Variants in CPAMD8 observed in about 807,000 individuals in gnomAD.
CPAMD8 encodes C3 and PZP-like alpha-2-macroglobulin domain-containing protein 8.
CPAMD8 carries 146 observed loss-of-function variants against 224.7 expected under a neutral mutation model. The ratio of observed to expected loss-of-function variants is 0.65; its 90% confidence interval spans 0.57 to 0.75. The LOEUF (loss-of-function observed/expected upper bound fraction) is 0.75, where lower values mean the gene tolerates loss of function less well. Among genes scored for constraint, CPAMD8 ranks in the 30% least tolerant of loss-of-function variants. The pLI is 0.00. For synonymous variants in CPAMD8, 966 were observed against 1,044.6 expected (o/e 0.92, Z 1.45); for missense variants, 2,301 against 2,537.5 (o/e 0.91, Z 2.00).
intron 36 of CPAMD8, 147 bp downstream of exon 36, chr19:16,901,063 G>C (rs1337946954): frequency 3.4e-6 from 2 of 587,488 alleles, no homozygotes; most frequent in African/African-American, 3.9e-5. Context: ...GGGAGGGGAA[G>C]GGGGAGGGGG....
chr19:16,991,374 C>T (rs930163893), intron 12 of CPAMD8, among the ~76,000 whole-genome samples: 15 of 152,126 alleles, frequency 9.9e-5, no homozygotes, highest in African/African-American at 3.6e-4. Flanking sequence ...CCTGGACTTG[C>T]AGCTGGTGTC....
chr19:16,899,549 G>T lies in CPAMD8; in HGVS notation c.4774C>A (p.Leu1592Met). 1.3e-6 allele frequency: 2 copies of T among 1,507,296 alleles called. No individual in the cohort carries two copies. The highest frequency in any genetic ancestry group is 1.8e-6 in the Non-Finnish European group (2 of 1,082,876). The allele number at this position is 1,507,296 out of a possible 1,614,324, so 93.4% of individuals were successfully genotyped here. A position where few individuals can be genotyped will look rare whatever the true frequency, so the allele number is the denominator to read the frequency against. ...FRADIESLEQLLLDKHMGMKR... is the reference protein window; with the variant it reads ...FRADIESLEQMLLDKHMGMKR... ...ATCCCCATGTGCTTGTCAAGGAGCA[G>T]CTGCAGAGGAAGCCAGAAGTCAGGG... The change falls in exon 37 of 42, where the codon CTG (leucine) becomes ATG (methionine). Residue 1592 changes from leucine to methionine, a missense_variant and splice_region_variant. Physicochemically the swap from Leu to Met is conservative, Grantham distance 15. Around this residue, in one of 4 missense-constraint regions of CPAMD8, gnomAD observed 1,709 missense variants for 1,753.2 expected, o/e 0.97. Transcript: ENST00000443236. This position sits in a 1 kb window ranked among gnomAD's most constrained non-coding sequence, Gnocchi z 5.4.
In CPAMD8 at chr19:16,895,885, G is replaced by GAGCT. The variant is rs370766036; in HGVS notation, c.5426+290_5426+291insAGCT. 274 of 460,166 alleles carry GAGCT rather than the reference G, an allele frequency of 6.0e-4. 1 individual carries two copies. The highest frequency in any genetic ancestry group is 2.4e-3 in the South Asian group (134 of 55,902). The allele number at this position is 460,166 out of a possible 1,614,324, so 28.5% of individuals were successfully genotyped here. A position where few individuals can be genotyped will look rare whatever the true frequency, so the allele number is the denominator to read the frequency against. ...CGGATAAGGGATCCTTGACCCGTAT[G>GAGCT]CGCGCGCGCGCGCGCACGCACACAC... On this transcript the variant is annotated intron_variant, in intron 41 of 41. Coordinates refer to ENST00000443236, the MANE Select transcript of CPAMD8 (RefSeq NM_015692.5).
intron 39 of CPAMD8, 28 bp downstream of exon 39, chr19:16,897,663 G>A (rs2052075090): frequency 6.9e-6 from 9 of 1,301,522 alleles, no homozygotes; most frequent in Non-Finnish European, 8.4e-6. Context: ...GGCCGCGGTG[G>A]GGGGCGGCAG....
At chr19:16,918,891 G>A (rs918218479) in intron 27 of CPAMD8, among the ~76,000 whole-genome samples, 1 of 151,886 alleles carries the variant, frequency 6.6e-6, no homozygotes, top group African/African-American at 2.4e-5. Flanking sequence ...TTTCCCTTGA[G>A]CATGAGGTTG....
In CPAMD8 at chr19:16,895,927, A is replaced by ACACGCGCG. The variant is rs146763898; in HGVS notation, c.5426+248_5426+249insCGCGCGTG. 831 of 581,224 alleles carry ACACGCGCG rather than the reference A, an allele frequency of 1.4e-3. 3 individuals carry two copies. The highest frequency in any genetic ancestry group is 8.8e-3 in the East Asian group (255 of 29,042). 36.0% of individuals were successfully genotyped at this position (581,224 alleles called of 1,614,324 possible). ...CGCACACACACACACACACACACAC[A>ACACGCGCG]CGCGCGCGTGCGCCCGCGCACAGCT... On this transcript the variant is annotated intron_variant, in intron 41 of 41. Transcript: ENST00000443236.
intron 12 of CPAMD8, among the ~76,000 whole-genome samples, chr19:16,991,845 A>G (rs1479533212): frequency 1.5e-5 from 2 of 129,716 alleles, no homozygotes; most frequent in Non-Finnish European, 3.4e-5. Flanking sequence ...ACAGAGCAAG[A>G]CTCTGTATCA....
In CPAMD8 at chr19:16,904,361, C is replaced by G; in HGVS notation, c.4116G>C (p.Val1372=). The change falls in exon 32 of 42, where the codon GTG becomes GTC. Residue 1372 remains valine, a splice_region_variant and synonymous_variant. Coordinates refer to ENST00000443236, the MANE Select transcript of CPAMD8 (RefSeq NM_015692.5). ...LSFSDRVSQS[V]VSAEVEMTAY... ...CTGTCATTTCCACCTCGGCCGAGAC[C>G]ACTGCAATGGAAGAGGCCCACTGGG... 6.2e-7 allele frequency: 1 copy of G among 1,613,990 alleles called. No homozygotes were observed. Among genetic ancestry groups the G allele is most frequent in the Non-Finnish European group, 8.5e-7 (1 of 1,180,016 alleles).
At chr19:16,996,817 TAAAAAAAAAAA>T (rs11332531) in intron 11 of CPAMD8, among the ~76,000 whole-genome samples, 1 of 108,352 alleles carries the variant, frequency 9.2e-6, no homozygotes, top group African/African-American at 3.5e-5. Flanking sequence ...TGACTATCTC[TAAAAAAAAAAA>T]AAAAAAAAAA....
intron 20 of CPAMD8, among the ~76,000 whole-genome samples, chr19:16,948,748 G>A (rs1437808628): frequency 6.9e-6 from 1 of 144,562 alleles, no homozygotes; most frequent in Non-Finnish European, 1.5e-5. Flanking sequence ...AGAAGAAAAG[G>A]AAAGAAGGGG....
At chr19:16,905,613 C>T (rs1022416513) in intron 30 of CPAMD8, among the ~76,000 whole-genome samples, 3 of 149,998 alleles carry the variant, frequency 2.0e-5, no homozygotes, top group African/African-American at 4.9e-5. Flanking sequence ...ATTCTGAGCT[C>T]GCATGAGGTG....
chr19:16,919,221 A>G (rs1365428071), intron 27 of CPAMD8, among the ~76,000 whole-genome samples: 4 of 147,098 alleles, frequency 2.7e-5, no homozygotes, highest in Non-Finnish European at 6.1e-5. Context: ...AAAAAAAAAA[A>G]GGAATAGAAT....
Position 16,973,796 on chromosome 19 carries a change from G to A in CPAMD8, c.2070+1301C>T, listed in dbSNP as rs940626127. 5.3e-5 allele frequency among the ~76,000 whole-genome samples: 8 copies of A among 149,880 alleles called. No homozygotes were observed. In the East Asian group the frequency reaches 5.9e-4, roughly 11 times the overall value. ...TCTATCTATATCACATCATGAAAAC[G>A]TCCAGAGATGGGCACCTGATAGCAT... is the stretch of plus-strand genomic sequence containing the variant. On this transcript the variant is annotated intron_variant, in intron 17 of 41. Coordinates refer to ENST00000443236, the MANE Select transcript of CPAMD8 (RefSeq NM_015692.5).
intron 26 of CPAMD8, among the ~76,000 whole-genome samples, chr19:16,922,665 A>C (rs146079469): frequency 4.5e-4 from 67 of 150,042 alleles, no homozygotes; most frequent in African/African-American, 1.7e-3. Context: ...TCCACACTAC[A>C]TCTGAGGTCC....
chr19:16,964,251 G>C (rs1242754935), intron 18 of CPAMD8, among the ~76,000 whole-genome samples: 6 of 152,146 alleles, frequency 3.9e-5, no homozygotes, highest in Non-Finnish European at 8.8e-5. Context: ...GAATCCAGGA[G>C]CTGGTTTTTT....
At chr19:16,982,679 A>G (rs1043277123) in intron 13 of CPAMD8, among the ~76,000 whole-genome samples, 1 of 152,068 alleles carries the variant, frequency 6.6e-6, no homozygotes, top group African/African-American at 2.4e-5. Context: ...CACAAAAAAT[A>G]ATAAAAAAAA....
In CPAMD8 at chr19:16,976,004, G is replaced by A. The variant is rs747561599; in HGVS notation, c.1906C>T (p.Gln636Ter). ...CCAAGCCCGAGGGGTCTGCTCACCT[G>A]GGCAGGAGTCAGCCGGAACCCAGAC... ...LRSGFRLTPA[Q>*]VFQELEDYDV... is the part of the protein sequence containing the mutation. Residue 636 changes from glutamine (Q) to a stop codon, truncating the protein, a stop_gained and splice_region_variant, in exon 16 of 42, where the codon CAG becomes TAG. Coordinates refer to ENST00000443236, the MANE Select transcript of CPAMD8 (RefSeq NM_015692.5). LOFTEE classifies it high-confidence loss of function. 1 of 1,592,542 alleles carries A rather than the reference G, an allele frequency of 6.3e-7. No individual in the cohort carries two copies. The highest frequency in any genetic ancestry group is 1.1e-5 in the South Asian group (1 of 88,664).
intron 27 of CPAMD8, among the ~76,000 whole-genome samples, chr19:16,918,503 A>G (rs1376307230): frequency 6.8e-6 from 1 of 146,056 alleles, no homozygotes; most frequent in Non-Finnish European, 1.5e-5. Context: ...GCTGGAGTGC[A>G]GTGGCACAAT....
chr19:17,007,516 C>G (rs1005155139), intron 7 of CPAMD8, among the ~76,000 whole-genome samples: 1 of 151,182 alleles, frequency 6.6e-6, no homozygotes, highest in Non-Finnish European at 1.5e-5. Context: ...GAAGAAAGAA[C>G]AAGAAAGAAG....
Sources: allele counts gnomAD v4.1 joint callset (sites outside exome capture counted in the v4.1 genomes callset), GRCh38; gene constraint gnomAD v4.1.1; regional missense constraint gnomAD v4.1.1; non-coding constraint Gnocchi (gnomAD v3.1); transcripts MANE v1.5; gene names NCBI Gene and HGNC (gene_info 2026-07-23, HGNC 2026-07-21).